MYL3: variants seen among roughly 807,000 people sequenced by gnomAD.
MYL3 encodes myosin light chain 3.
In MYL3, 11 loss-of-function variants were observed where a neutral mutation model predicts 21.3. The observed-to-expected ratio is 0.52, with a 90% CI of 0.32 to 0.85. The LOEUF (loss-of-function observed/expected upper bound fraction) is 0.85. Ranked by LOEUF, MYL3 falls within the 40% of genes least tolerant of loss-of-function variation. The pLI is 0.03. For synonymous variants in MYL3, 88 were observed against 91.6 expected (o/e 0.96, Z 0.22); for missense variants, 206 against 253.3 (o/e 0.81, Z 1.27).
At chr3:46,862,361 T>TA in intron 1 of MYL3, among the ~76,000 whole-genome samples, 1 of 152,270 alleles carries the variant, frequency 6.6e-6, no homozygotes, top group African/African-American at 2.4e-5. Flanking sequence ...ACTTGGCAAC[T>TA]AAAATGGAGC....
At chr3:46,877,165 A>G (rs1235174591) in intron 1 of MYL3, among the ~76,000 whole-genome samples, 1 of 152,068 alleles carries the variant, frequency 6.6e-6, no homozygotes, top group African/African-American at 2.4e-5. Context: ...GTGGGGCTGT[A>G]GGGGTCAGGA....
At chr3:46,864,881 T>C (rs745949908), upstream of MYL3, among the ~76,000 whole-genome samples, 1 of 152,238 alleles carries the variant, frequency 6.6e-6, no homozygotes, top group Non-Finnish European at 1.5e-5. The surrounding 1 kb of genome is among the most constrained non-coding windows in gnomAD (Gnocchi z 4.7). Flanking sequence ...CACAAGGCTC[T>C]TCCCGCATGG....
rs1701985927 is a variant in MYL3, at chr3:46,860,890, C to A, written c.158-65G>T. ...TCAGCCTACCCCACTCCCCACACCC[C>A]TGGCAGGACCCTCAGACCAGGGAAC... On this transcript the variant is annotated intron_variant, in intron 2 of 6. Transcript: ENST00000292327. The surrounding 1 kb of genome is among the most constrained non-coding windows in gnomAD (Gnocchi z 4.6). 6.2e-7 allele frequency: 1 copy of A among 1,614,138 alleles called. No homozygotes were observed. The highest frequency in any genetic ancestry group is 8.5e-7 in the Non-Finnish European group (1 of 1,180,000).
In MYL3 at chr3:46,874,501, C is replaced by G. The variant is rs2030079238; in HGVS notation, c.-218+7573G>C. ...CAAGGACCCAGTGTCTGAGCTAACC[C>G]CCTCCCCACCACCTCCTCCTTCCTG... On this transcript the variant is annotated intron_variant, in intron 1 of 3. Coordinates refer to the MYL3 transcript ENST00000431168. The surrounding 1 kb of genome is among the most constrained non-coding windows in gnomAD (Gnocchi z 4.1). Among the ~76,000 whole-genome samples, 1 of 152,150 alleles carries G rather than the reference C, an allele frequency of 6.6e-6. No individual in the cohort carries two copies. Among genetic ancestry groups the G allele is most frequent in the Non-Finnish European group, 1.5e-5 (1 of 68,036 alleles).
At chr3:46,873,831 G>A (rs1029477374) in intron 1 of MYL3, among the ~76,000 whole-genome samples, 1 of 152,236 alleles carries the variant, frequency 6.6e-6, no homozygotes, top group East Asian at 1.9e-4. Context: ...CCCAGAGATA[G>A]AGCAGAGGTC....
In MYL3 at chr3:46,861,351, C is replaced by T. The variant is rs571797274; in HGVS notation, c.130-364G>A. On this transcript the variant is annotated intron_variant, in intron 1 of 6. Transcript: ENST00000292327. The surrounding 1 kb of genome is among the most constrained non-coding windows in gnomAD (Gnocchi z 4.2). Reference sequence around the variant, plus strand: ...CCTTAAGCCACAAGCCCCAGTCAGGCTGGCTTTGCTTGGGGCCTGGTGGGC... The same window carrying T: ...CCTTAAGCCACAAGCCCCAGTCAGGTTGGCTTTGCTTGGGGCCTGGTGGGC... Among the ~76,000 whole-genome samples, 1 of 152,228 alleles carries T rather than the reference C, an allele frequency of 6.6e-6. No homozygotes were observed. The highest frequency in any genetic ancestry group is 1.5e-5 in the Non-Finnish European group (1 of 68,040).
intron 1 of MYL3, among the ~76,000 whole-genome samples, chr3:46,872,587 C>T (rs2029979037): frequency 6.6e-6 from 1 of 152,214 alleles, no homozygotes; most frequent in South Asian, 2.1e-4. Context: ...ACCTCTCAGG[C>T]CCCTCCTCGC....
chr3:46,869,853 G>A (rs942030772), intron 1 of MYL3, among the ~76,000 whole-genome samples: 17 of 152,180 alleles, frequency 1.1e-4, no homozygotes, highest in Non-Finnish European at 5.9e-5. Context: ...TCAGTCAGAC[G>A]AGGAGTCTGA....
chr3:46,872,330 CA>C (rs1204306827), intron 1 of MYL3, among the ~76,000 whole-genome samples: 1 of 152,204 alleles, frequency 6.6e-6, no homozygotes, highest in African/African-American at 2.4e-5. Context: ...CCCTGCCTAA[CA>C]GTGAGCCCAT....
chr3:46,875,390 G>C (rs1053271681), intron 1 of MYL3, among the ~76,000 whole-genome samples: 1 of 152,212 alleles, frequency 6.6e-6, no homozygotes, highest in Non-Finnish European at 1.5e-5. Flanking sequence ...CTGCCAGGGA[G>C]TGGACTGTCA....
At chr3:46,873,758 G>C (rs2106925801) in intron 1 of MYL3, among the ~76,000 whole-genome samples, 1 of 152,290 alleles carries the variant, frequency 6.6e-6, no homozygotes, top group South Asian at 2.1e-4. Flanking sequence ...CAGTGGGACT[G>C]GGGGAAGCCT....
upstream of MYL3, chr3:46,866,245 C>A (rs142820950): frequency 3.0e-3 from 451 of 152,728 alleles, 1 homozygote; most frequent in Non-Finnish European, 4.5e-3. Flanking sequence ...AGGATCTGGG[C>A]AGGGCCTCGG....
chr3:46,875,138 C>T (rs1408341618), intron 1 of MYL3, among the ~76,000 whole-genome samples: 4 of 152,230 alleles, frequency 2.6e-5, no homozygotes, highest in Admixed American at 2.6e-4. Flanking sequence ...TCCCATTGAA[C>T]ACTGTTGCTG....
In MYL3 at chr3:46,860,677, T is replaced by C; in HGVS notation, c.306A>G (p.Glu102=). Residue 102 remains glutamate, a splice_region_variant and synonymous_variant, in exon 3 of 7, where the codon GAA becomes GAG. Transcript: ENST00000292327. This position sits in a 1 kb window ranked among gnomAD's most constrained non-coding sequence, Gnocchi z 4.6. The part of the protein sequence containing the change: ...VLRVLGKPRQ[E]ELNTKMMDFE... ...GGGGCTCTCGGGCAGGTGCACTACC[T>C]TCCTGTCTTGGCTTCCCCAGGACAC... 1.2e-6 allele frequency: 2 copies of C among 1,613,740 alleles called. 1 individual carries two copies. The highest frequency in any genetic ancestry group is 2.2e-5 in the South Asian group (2 of 91,084).
rs1701965730 is a variant in MYL3 at position 46,859,402 on chromosome 3, T to TG, written c.481+72dup. 7 of 1,594,678 alleles carry TG rather than the reference T, an allele frequency of 4.4e-6. No individual in the cohort carries two copies. Among genetic ancestry groups the TG allele is most frequent in the South Asian group, 2.2e-5 (2 of 90,552 alleles). ...CCATTTCACCAATGGGTCACAGGCCTGGGGGGCAACAGAGTGGTTTCTCCC... is the reference window on the plus strand; with the variant it reads ...CCATTTCACCAATGGGTCACAGGCCTGGGGGGGCAACAGAGTGGTTTCTCCC... On this transcript the variant is annotated intron_variant, in intron 4 of 6. Transcript: ENST00000292327. The surrounding 1 kb of genome is among the most constrained non-coding windows in gnomAD (Gnocchi z 4.1).
At chr3:46,881,112 A>C (rs1306951740) in intron 1 of MYL3, 2 of 152,300 alleles carry the variant, frequency 1.3e-5, no homozygotes, top group East Asian at 3.9e-4. Context: ...TCCAGGACAC[A>C]CAACTGGTAA....
intron 1 of MYL3, among the ~76,000 whole-genome samples, chr3:46,875,006 G>A (rs1298513621): frequency 1.3e-5 from 2 of 152,174 alleles, no homozygotes; most frequent in Admixed American, 1.3e-4. Flanking sequence ...CTGGGGGTGG[G>A]TTTGGAGAGA....
At position 46,879,754 on chromosome 3, in the gene MYL3, A is replaced by G. The variant is rs2030441216; in HGVS notation, c.-218+2320T>C. ...ACAGCAAGACCCTGTCTGGGGAAAA[A>G]AAAAATGCTGCGTGTGGTGGCTCAC... On this transcript the variant is annotated intron_variant, in intron 1 of 3. Transcript: ENST00000431168. This position sits in a 1 kb window ranked among gnomAD's most constrained non-coding sequence, Gnocchi z 4.7. 6.6e-6 allele frequency among the ~76,000 whole-genome samples: 1 copy of G among 151,456 alleles called. No individual in the cohort carries two copies. Among genetic ancestry groups the G allele is most frequent in the African/African-American group, 2.4e-5 (1 of 41,134 alleles).
upstream of MYL3, among the ~76,000 whole-genome samples, chr3:46,863,883 G>C (rs1702020040): frequency 6.6e-6 from 1 of 152,148 alleles, no homozygotes; most frequent in African/African-American, 2.4e-5. Context: ...AAAGTCCCCT[G>C]TGTCTGTGTC....
Sources: gnomAD v4.1 joint callset for allele counts (sites outside exome capture counted in the v4.1 genomes callset) on GRCh38, gnomAD v4.1.1 for gene constraint, Gnocchi (gnomAD v3.1) non-coding constraint, MANE v1.5 for transcripts, NCBI Gene and HGNC (gene_info 2026-07-23, HGNC 2026-07-21) for gene names.